The following CES5A variants were observed in gnomAD, a reference collection of about 807,000 sequenced individuals.
CES5A encodes the protein carboxylesterase 5.
A neutral mutation model predicts 62.9 loss-of-function variants in CES5A; 67 were observed. That is an observed-to-expected ratio of 1.07 (90% CI 0.88 to 1.31). CES5A has a LOEUF of 1.31. CES5A is among the 50% of genes most tolerant of loss of function. CES5A has a pLI of 0.00. For synonymous variants in CES5A, 296 were observed against 280.8 expected, an observed-to-expected ratio of 1.05 and a Z score of -0.54; for missense variants, 748 against 708.5, an observed-to-expected ratio of 1.06 and a Z score of -0.63.
At chr16:55,904,137 G>A (rs531230319) in intron 1 of CES5A, among the ~76,000 whole-genome samples, 65 of 152,304 alleles carry the variant, frequency 4.3e-4, no homozygotes, top group Middle Eastern at 3.4e-3. Flanking sequence ...GTCTGGGACT[G>A]AGGAAAATAA....
chr16:55,894,440 A>G lies in CES5A; in HGVS notation c.-255-20403T>C, dbSNP rs933520783. Among the ~76,000 whole-genome samples, 3 of 145,734 alleles carry G rather than the reference A, an allele frequency of 2.1e-5. No homozygotes were observed. The Admixed American group carries it at 2.1e-4, about 10-fold the overall frequency. On this transcript the variant is annotated intron_variant, in intron 1 of 12. Transcript: ENST00000518005. ...TGAGAATCGCTTGAACCTGGGAAGC[A>G]GAGGTTGCAGATTCCACTACTGCAC...
chr16:55,931,809 A>C (rs2034315123), intron 2 of CES5A, among the ~76,000 whole-genome samples: 1 of 152,122 alleles, frequency 6.6e-6, no homozygotes, highest in Non-Finnish European at 1.5e-5. Context: ...GAGGACAGGG[A>C]CCTTGCCTTG....
intron 1 of CES5A, among the ~76,000 whole-genome samples, chr16:55,910,106 A>G (rs1417005236): frequency 6.6e-6 from 1 of 152,140 alleles, no homozygotes; most frequent in Admixed American, 6.5e-5. Context: ...GACACCTGCC[A>G]TTAGACTCCC....
chr16:55,920,712 A>T (rs2034195688), intron 1 of CES5A, among the ~76,000 whole-genome samples: 1 of 152,216 alleles, frequency 6.6e-6, no homozygotes, highest in Non-Finnish European at 1.5e-5. Context: ...AGACATAAAC[A>T]TACATCCATT....
At chr16:55,917,233 G>C (rs1301045160) in intron 1 of CES5A, among the ~76,000 whole-genome samples, 2 of 152,204 alleles carry the variant, frequency 1.3e-5, no homozygotes, top group Non-Finnish European at 2.9e-5. Flanking sequence ...TAAGCTCCAA[G>C]CACAAATATT....
upstream of CES5A, among the ~76,000 whole-genome samples, chr16:55,877,466 G>GTATA (rs10691094): frequency 5.1e-4 from 75 of 147,802 alleles, no homozygotes; most frequent in African/African-American, 1.5e-3. Flanking sequence ...GTGTGTGTGT[G>GTATA]TATATATATA....
chr16:55,882,541 A>G (rs1433869979), intron 1 of CES5A, among the ~76,000 whole-genome samples: 2 of 152,166 alleles, frequency 1.3e-5, no homozygotes, highest in Non-Finnish European at 2.9e-5. Context: ...TGATTGATCC[A>G]CAGCCTGGAC....
intron 1 of CES5A, among the ~76,000 whole-genome samples, chr16:55,918,252 G>A (rs901975600): frequency 4.6e-5 from 7 of 152,208 alleles, no homozygotes; most frequent in Non-Finnish European, 7.3e-5. Flanking sequence ...ACTGCACAGA[G>A]GCAGCAGTAT....
intron 1 of CES5A, among the ~76,000 whole-genome samples, chr16:55,952,179 G>A (rs1486926334): frequency 6.6e-6 from 1 of 152,052 alleles, no homozygotes; most frequent in Non-Finnish European, 1.5e-5. Flanking sequence ...TAAATACTTT[G>A]AAAATAACTC....
intron 1 of CES5A, among the ~76,000 whole-genome samples, chr16:55,898,800 A>G (rs1288753934): frequency 2.0e-5 from 3 of 152,190 alleles, no homozygotes; most frequent in Non-Finnish European, 4.4e-5. Flanking sequence ...AGACCAGGGC[A>G]TGGTGGTCCC....
intron 2 of CES5A, among the ~76,000 whole-genome samples, chr16:55,943,672 G>A (rs1246096596): frequency 6.6e-6 from 1 of 152,180 alleles, no homozygotes; most frequent in Non-Finnish European, 1.5e-5. Context: ...GGTATAATTT[G>A]GGAGACATTA....
chr16:55,916,003 C>T (rs540480296), intron 1 of CES5A, among the ~76,000 whole-genome samples: 1 of 152,280 alleles, frequency 6.6e-6, no homozygotes, highest in East Asian at 1.9e-4. Context: ...AGACACAAGA[C>T]CAGCCACACC....
At chr16:55,863,611 A>G (rs1388726395) in intron 5 of CES5A, among the ~76,000 whole-genome samples, 159 bp from the exon 6 acceptor site, 14 of 152,124 alleles carry the variant, frequency 9.2e-5, no homozygotes, top group African/African-American at 3.1e-4. Flanking sequence ...CTAGCTGTGA[A>G]GGTTTGGGCA....
rs2033675479 is a variant in CES5A at position 55,875,274 on chromosome 16, G to C, written c.-53C>G. ...ATTGACGGCGGCTGCTGGCCTCAGA[G>C]AGCTTCAGTTGGGAGCCAGAAAGAG... On this transcript the variant is annotated 5_prime_UTR_variant, in exon 1 of 13. Coordinates refer to ENST00000290567, the MANE Select transcript of CES5A (RefSeq NM_001143685.2). 6.3e-7 allele frequency: 1 copy of C among 1,596,490 alleles called. No homozygotes were observed. The highest frequency in any genetic ancestry group is 8.5e-7 in the Non-Finnish European group (1 of 1,171,782).
At chr16:55,871,525 A>G (rs758396862) in intron 3 of CES5A, 100 bp downstream of exon 3, 4 of 1,360,136 alleles carry the variant, frequency 2.9e-6, no homozygotes, top group Non-Finnish European at 3.0e-6. Context: ...CTTTTACCCA[A>G]CAGGGGGTAG....
chr16:55,911,630 T>A (rs1469754483), intron 1 of CES5A, among the ~76,000 whole-genome samples: 3 of 152,254 alleles, frequency 2.0e-5, no homozygotes, highest in Non-Finnish European at 4.4e-5. Context: ...AACCCAGATC[T>A]GGCTTATGGG....
intron 1 of CES5A, among the ~76,000 whole-genome samples, chr16:55,899,098 G>T (rs778270648): frequency 1.3e-4 from 20 of 152,170 alleles, no homozygotes; most frequent in Non-Finnish European, 2.2e-4. Context: ...TTTACCACCA[G>T]CAAAGCATGC....
chr16:55,938,755 AAAAAAAAAAAATATATATATAT>A (rs2034406942), intron 2 of CES5A, among the ~76,000 whole-genome samples: 1 of 77,306 alleles, frequency 1.3e-5, no homozygotes, highest in African/African-American at 5.8e-5. Flanking sequence ...AAAAAAAAAA[AAAAAAAAAAAATATATATATAT>A]ATATATATAT....
chr16:55,887,926 G>T (rs1331220477), intron 1 of CES5A, among the ~76,000 whole-genome samples: 3 of 152,136 alleles, frequency 2.0e-5, no homozygotes, highest in African/African-American at 7.2e-5. Context: ...TTCTTGAGCG[G>T]CCGAGTACTG....
Sources: allele counts gnomAD v4.1 joint callset (sites outside exome capture counted in the v4.1 genomes callset), GRCh38; gene constraint gnomAD v4.1.1; transcripts MANE v1.5; gene names NCBI Gene and HGNC (gene_info 2026-07-23, HGNC 2026-07-21).